The following TET2 variants were observed in gnomAD, a reference collection of about 807,000 sequenced individuals.
TET2 encodes the protein tet methylcytosine dioxygenase 2.
Under a neutral mutation model 142.9 loss-of-function variants are expected in TET2, and 299 were observed. That is an observed-to-expected ratio of 2.09 (90% CI 1.90 to 2.30). The LOEUF is 2.30. TET2 is among the 30% of genes most tolerant of loss of function. The pLI, the probability that TET2 is intolerant of heterozygous loss-of-function variation, is 0.00. For synonymous variants in TET2, 819 were observed against 849.0 expected (o/e 0.96, Z 0.61); for missense variants, 2,418 against 2,378.0 (o/e 1.02, Z -0.35).
At chr4:105,241,229 A>T in intron 3 of TET2, 110 bp from the exon 4 acceptor site, 1 of 1,346,948 alleles carries the variant, frequency 7.4e-7, no homozygotes, top group South Asian at 2.2e-5. Flanking sequence ...AAAATTTTAA[A>T]GTCACTTTTA....
rs1729002368 is a variant in TET2, at chr4:105,237,224, A to G, written c.3282A>G (p.Lys1094=). 1.2e-6 allele frequency: 2 copies of G among 1,614,044 alleles called. No homozygotes were observed. The highest frequency in any genetic ancestry group is 1.3e-5 in the African/African-American group (1 of 75,002). ...QTTSSEKTPT[K]RTAASVLNNF... ...CTTCTTCAGAAAAGACACCAACCAAAAGAACAGCTGCTTCTGTTCTCAATA... is the reference window on the plus strand; with the variant it reads ...CTTCTTCAGAAAAGACACCAACCAAGAGAACAGCTGCTTCTGTTCTCAATA... Residue 1094 remains lysine (K), a synonymous_variant, in exon 3 of 11, where the codon AAA becomes AAG. Coordinates refer to ENST00000380013, the MANE Select transcript of TET2 (RefSeq NM_001127208.3).
chr4:105,276,607 A>G lies in TET2; in HGVS notation c.*88A>G. On this transcript the variant is annotated 3_prime_UTR_variant, in exon 11 of 11. Transcript: ENST00000380013. ...GTTCTCATGACGTGGGCAGTGGGGA[A>G]AGGTCACAGTATTCATGACAAATGT... 1.4e-6 allele frequency: 2 copies of G among 1,385,244 alleles called. No individual in the cohort carries two copies. The highest frequency in any genetic ancestry group is 1.5e-5 in the South Asian group (1 of 66,836). 85.8% of individuals were successfully genotyped at this position (1,385,244 alleles called of 1,614,324 possible).
At chr4:105,270,152 A>G (rs1730882248) in intron 9 of TET2, among the ~76,000 whole-genome samples, 1 of 152,216 alleles carries the variant, frequency 6.6e-6, no homozygotes, top group African/African-American at 2.4e-5. Flanking sequence ...TCTCATGTTG[A>G]GGAGCAGAAC....
At chr4:105,207,893 G>T (rs1726922858) in intron 2 of TET2, among the ~76,000 whole-genome samples, 1 of 152,094 alleles carries the variant, frequency 6.6e-6, no homozygotes, top group Non-Finnish European at 1.5e-5. Flanking sequence ...AAGTAACTGG[G>T]GGGATGATAG....
chr4:105,224,970 T>C (rs1728095169), intron 2 of TET2, among the ~76,000 whole-genome samples: 1 of 152,136 alleles, frequency 6.6e-6, no homozygotes, highest in Admixed American at 6.6e-5. Flanking sequence ...ATATGACTAG[T>C]GGGATCTAAA....
At chr4:105,242,134 T>C (rs905266981) in intron 4 of TET2, 8 of 1,160,386 alleles carry the variant, frequency 6.9e-6, no homozygotes, top group African/African-American at 1.6e-5. Context: ...TTAGGATACA[T>C]TGGGGCAGCT....
intron 10 of TET2, among the ~76,000 whole-genome samples, chr4:105,273,874 T>C (rs1731077405): frequency 6.6e-6 from 1 of 152,188 alleles, no homozygotes; most frequent in Non-Finnish European, 1.5e-5. Context: ...AGTTATTGTC[T>C]TTCCATAGCC....
chr4:105,189,672 C>T (rs564221657), intron 1 of TET2, among the ~76,000 whole-genome samples: 2 of 152,292 alleles, frequency 1.3e-5, no homozygotes, highest in South Asian at 2.1e-4. Flanking sequence ...ATTTTTACTA[C>T]ATCTTTGACC....
rs1169709175 is a variant in TET2, at chr4:105,276,151, C to T, written c.5641C>T (p.His1881Tyr). ...CATTGAGTGTGCAAAGCGTGAGCTG[C>T]ATGCCACAACCCCTTTAAAGAATCC... is the stretch of plus-strand genomic sequence containing the variant. The part of the protein sequence containing the change: ...ILIECAKREL[H>Y]ATTPLKNPNR... The change falls in exon 11 of 11, where the codon CAT becomes TAT. Residue 1881 changes from histidine (H) to tyrosine (Y), a missense_variant. Transcript: ENST00000380013. 6.4e-7 allele frequency: 1 copy of T among 1,551,624 alleles called. No individual in the cohort carries two copies. Among genetic ancestry groups the T allele is most frequent in the Non-Finnish European group, 8.7e-7 (1 of 1,146,978 alleles).
intron 2 of TET2, among the ~76,000 whole-genome samples, chr4:105,200,388 ATGTTTGTT>A (rs369955781): frequency 6.6e-6 from 1 of 151,404 alleles, no homozygotes; most frequent in Non-Finnish European, 1.5e-5. Flanking sequence ...TTCAATGGGG[ATGTTTGTT>A]TGTTTGTTTG....
chr4:105,147,516 T>G (rs1723083136), intron 1 of TET2: 1 of 152,194 alleles, frequency 6.6e-6, no homozygotes, highest in Non-Finnish European at 1.5e-5. Context: ...CTTATCCCCC[T>G]TTAGGGGGCT....
intron 1 of TET2, among the ~76,000 whole-genome samples, chr4:105,182,694 CATT>C (rs1725192636): frequency 6.6e-6 from 1 of 152,010 alleles, no homozygotes; most frequent in Admixed American, 6.6e-5. Context: ...TTAGAATGAA[CATT>C]AGAGAATATT....
At chr4:105,205,089 A>G (rs1726739654) in intron 2 of TET2, among the ~76,000 whole-genome samples, 1 of 152,150 alleles carries the variant, frequency 6.6e-6, no homozygotes, top group Non-Finnish European at 1.5e-5. Flanking sequence ...GCTATAGCCA[A>G]TGCATTTTGA....
chr4:105,220,885 C>T (rs1223832090), intron 2 of TET2, among the ~76,000 whole-genome samples: 1 of 152,052 alleles, frequency 6.6e-6, no homozygotes, highest in African/African-American at 2.4e-5. Context: ...GCATCCTTGC[C>T]CTGGACAGAT....
At chr4:105,204,246 CACACACACACACACACACACACAT>C (rs1309398234) in intron 2 of TET2, among the ~76,000 whole-genome samples, 1 of 143,240 alleles carries the variant, frequency 7.0e-6, no homozygotes, top group Non-Finnish European at 1.5e-5. Flanking sequence ...CACACACACA[CACACACACACACACACACACACAT>C]ACATACATAC....
intron 8 of TET2, among the ~76,000 whole-genome samples, chr4:105,265,841 C>G (rs1730656712): frequency 6.6e-6 from 1 of 152,092 alleles, no homozygotes; most frequent in African/African-American, 2.4e-5. Flanking sequence ...AAAAGGTGAA[C>G]CTATAAATAC....
intron 2 of TET2, among the ~76,000 whole-genome samples, chr4:105,210,058 A>G (rs1266441160): frequency 6.6e-6 from 1 of 152,162 alleles, no homozygotes; most frequent in African/African-American, 2.4e-5. Context: ...AACTGCGTGG[A>G]TGATAGTACC....
chr4:105,156,378 C>T (rs1054835834), intron 1 of TET2, among the ~76,000 whole-genome samples: 1 of 152,128 alleles, frequency 6.6e-6, no homozygotes, highest in African/African-American at 2.4e-5. Context: ...TTAGGTATGC[C>T]ATACAGAGTA....
rs200356904 is a variant in TET2 at position 105,261,836 on chromosome 4, A to G, written c.4032A>G (p.Ala1344=). 5 of 1,542,834 alleles carry G rather than the reference A, an allele frequency of 3.2e-6. No homozygotes were observed. In the Admixed American group the frequency reaches 5.9e-5, roughly 18 times the overall value. The change falls in exon 8 of 11, where the codon GCA becomes GCG. Residue 1344 remains alanine (A), a synonymous_variant. Transcript: ENST00000380013. ...CATATAAGAAACTTGCACCTGATGC[A>G]TATAATAATCAGGTAAGTTTAAATA... ...APTYKKLAPD[A]YNNQIEYEHR...
Sources: allele counts gnomAD v4.1 joint callset (sites outside exome capture counted in the v4.1 genomes callset), GRCh38; gene constraint gnomAD v4.1.1; transcripts MANE v1.5; gene names NCBI Gene and HGNC (gene_info 2026-07-23, HGNC 2026-07-21).